PLA2G4A: variants seen among roughly 807,000 people sequenced by gnomAD.
The protein encoded by PLA2G4A is cytosolic phospholipase A2.
PLA2G4A carries 40 observed loss-of-function variants against 81.9 expected under a neutral mutation model. The observed-to-expected ratio is 0.49, with a 90% confidence interval of 0.38 to 0.64. The LOEUF is 0.64. Among genes scored for constraint, PLA2G4A ranks in the 30% least tolerant of loss-of-function variants. The probability of loss-of-function intolerance (pLI) is 0.00; values close to 1 mark genes in which losing one functional copy is unlikely to be tolerated. For missense variants in PLA2G4A, 715 were observed against 905.1 expected (o/e 0.79, Z 2.69); for synonymous variants, 302 against 296.9 (o/e 1.02, Z -0.18).
At chr1:186,855,840 G>A (rs776776098) in intron 2 of PLA2G4A, among the ~76,000 whole-genome samples, 8 of 151,810 alleles carry the variant, frequency 5.3e-5, no homozygotes, top group Admixed American at 2.0e-4. Context: ...TTTCTTTTCC[G>A]TTTTATTAGT....
intron 3 of PLA2G4A, among the ~76,000 whole-genome samples, chr1:186,883,001 T>G (rs1653795765): frequency 6.6e-6 from 1 of 151,998 alleles, no homozygotes; most frequent in African/African-American, 2.4e-5. Flanking sequence ...TTAGTTTTTT[T>G]TTGTTTTGTA....
At chr1:186,956,654 C>T (rs944187912) in intron 14 of PLA2G4A, among the ~76,000 whole-genome samples, 3 of 152,000 alleles carry the variant, frequency 2.0e-5, no homozygotes, top group East Asian at 1.9e-4. Context: ...GCTGGGACTA[C>T]AGGTGCACAC....
At chr1:186,966,056 A>G (rs569006588) in intron 15 of PLA2G4A, among the ~76,000 whole-genome samples, 3 of 151,218 alleles carry the variant, frequency 2.0e-5, no homozygotes, top group African/African-American at 7.3e-5. Flanking sequence ...GGACAAGGCC[A>G]GTTTCAATAG....
chr1:186,906,834 A>G (rs1654754440), intron 5 of PLA2G4A, 131 bp from the exon 6 acceptor site: 1 of 606,174 alleles, frequency 1.6e-6, no homozygotes, highest in Non-Finnish European at 3.0e-6. Flanking sequence ...GAGCTGTGTT[A>G]CTTTTATTTT....
Position 186,870,553 on chromosome 1 carries a change from A to C in PLA2G4A, c.115+37A>C, listed in dbSNP as rs985952203. On this transcript the variant is annotated intron_variant, in intron 3 of 17. Coordinates refer to ENST00000367466, the MANE Select transcript of PLA2G4A (RefSeq NM_024420.3). ...TTTTTTCTTTGCTGTTAAACATGTA[A>C]TTATGGTTCAGCCTTTAATTGCTTG... 4 of 1,406,176 alleles carry C rather than the reference A, an allele frequency of 2.8e-6. No individual in the cohort carries two copies. In the South Asian group the frequency reaches 4.6e-5, roughly 16 times the overall value. The allele number at this position is 1,406,176 out of a possible 1,614,324, so 87.1% of individuals were successfully genotyped here.
chr1:186,966,141 A>G (rs1239931007), intron 15 of PLA2G4A, among the ~76,000 whole-genome samples: 4 of 146,968 alleles, frequency 2.7e-5, no homozygotes, highest in African/African-American at 1.0e-4. Flanking sequence ...AAAAAAAAAG[A>G]CATCATTTCT....
At chr1:186,891,024 A>G (rs1382361569) in intron 3 of PLA2G4A, among the ~76,000 whole-genome samples, 3 of 152,192 alleles carry the variant, frequency 2.0e-5, no homozygotes, top group Non-Finnish European at 4.4e-5. Context: ...ACAATAAACA[A>G]TATTCTTCTC....
At chr1:186,859,601 G>A (rs1652722013) in intron 2 of PLA2G4A, among the ~76,000 whole-genome samples, 4 of 152,104 alleles carry the variant, frequency 2.6e-5, no homozygotes, top group Admixed American at 2.6e-4. Context: ...TGTGGATATG[G>A]CAGCATGATT....
intron 6 of PLA2G4A, 58 bp from the exon 7 acceptor site, chr1:186,911,190 A>T (rs1218041628): frequency 2.6e-6 from 4 of 1,512,024 alleles, no homozygotes; most frequent in East Asian, 2.3e-5. Context: ...AGCTACCTGG[A>T]TGGAAAACCA....
At chr1:186,972,122 G>A (rs12720670) in intron 15 of PLA2G4A, among the ~76,000 whole-genome samples, 35 of 152,174 alleles carry the variant, frequency 2.3e-4, no homozygotes, top group Admixed American at 2.3e-3. Flanking sequence ...TATCTGTGTT[G>A]TAACTGGCCT....
chr1:186,836,273 C>T (rs1032196170), intron 1 of PLA2G4A, among the ~76,000 whole-genome samples: 1 of 150,600 alleles, frequency 6.6e-6, no homozygotes, highest in African/African-American at 2.4e-5. Context: ...ATTCAATACA[C>T]CATATATTAC....
intron 5 of PLA2G4A, among the ~76,000 whole-genome samples, chr1:186,898,311 T>C (rs753742993): frequency 6.6e-6 from 1 of 152,180 alleles, no homozygotes; most frequent in Non-Finnish European, 1.5e-5. Flanking sequence ...TAAGAATCTG[T>C]TTGGAAAGTA....
chr1:186,894,984 G>A (rs759959679), intron 5 of PLA2G4A, among the ~76,000 whole-genome samples: 1 of 152,082 alleles, frequency 6.6e-6, no homozygotes, highest in Admixed American at 6.6e-5. Flanking sequence ...CGCATCTTTA[G>A]AATGACTTTC....
chr1:186,865,457 G>T (rs2102049673), intron 2 of PLA2G4A, among the ~76,000 whole-genome samples: 1 of 152,160 alleles, frequency 6.6e-6, no homozygotes, highest in African/African-American at 2.4e-5. Flanking sequence ...CTGAAAATAA[G>T]TATCTTACCA....
rs191641703 is a variant in PLA2G4A at position 186,893,556 on chromosome 1, G to A, written c.264+397G>A. Among the ~76,000 whole-genome samples the A allele has an allele frequency of 1.4e-3, 213 of 152,142 alleles. 1 individual carries two copies. Among genetic ancestry groups the A allele is most frequent in the Middle Eastern group, 3.4e-3 (1 of 294 alleles). On this transcript the variant is annotated intron_variant, in intron 4 of 17. Coordinates refer to ENST00000367466, the MANE Select transcript of PLA2G4A (RefSeq NM_024420.3). The stretch of plus-strand genomic sequence containing the variant: ...CAAAGTAGAGAGGAGATAAAGTTTC[G>A]TTTTTGAAAACATGATAATTGAATA...
Position 186,854,298 on chromosome 1 carries a change from C to T in PLA2G4A, c.-57C>T. 1 of 999,900 alleles carries T rather than the reference C, an allele frequency of 1.0e-6. No homozygotes were observed. Among genetic ancestry groups the T allele is most frequent in the Non-Finnish European group, 1.6e-6 (1 of 620,856 alleles). The allele number at this position is 999,900 out of a possible 1,614,324, so 61.9% of individuals were successfully genotyped here. A position where few individuals can be genotyped will look rare whatever the true frequency, so the allele number is the denominator to read the frequency against. On this transcript the variant is annotated 5_prime_UTR_variant, in exon 2 of 18. Transcript: ENST00000367466. ...GTTTATTTTGTAGGTTTTAAAGACG[C>T]TAGAGTGCCAAAGAAGACTTTGAAG...
intron 14 of PLA2G4A, among the ~76,000 whole-genome samples, chr1:186,961,914 A>G (rs1656960475): frequency 6.6e-6 from 1 of 152,186 alleles, no homozygotes; most frequent in Non-Finnish European, 1.5e-5. Context: ...TTTGAAAAAA[A>G]TAAAAATTCC....
chr1:186,845,658 C>A (rs1338805190), intron 1 of PLA2G4A, among the ~76,000 whole-genome samples: 1 of 152,146 alleles, frequency 6.6e-6, no homozygotes, highest in Admixed American at 6.6e-5. Flanking sequence ...TAATAATATC[C>A]CCTCTTTTTC....
At chr1:186,917,610 C>T (rs539070246) in intron 7 of PLA2G4A, among the ~76,000 whole-genome samples, 82 of 152,276 alleles carry the variant, frequency 5.4e-4, no homozygotes, top group Non-Finnish European at 8.1e-4. Context: ...CCACAAATGC[C>T]GGCCCGTTAT....
Sources: gnomAD v4.1 joint callset for allele counts (sites outside exome capture counted in the v4.1 genomes callset) on GRCh38, gnomAD v4.1.1 for gene constraint, MANE v1.5 for transcripts, NCBI Gene and HGNC (gene_info 2026-07-23, HGNC 2026-07-21) for gene names.